PDS5A: variants seen among roughly 807,000 people sequenced by gnomAD.
PDS5A encodes sister chromatid cohesion protein PDS5 homolog A.
A neutral mutation model predicts 167.1 loss-of-function variants in PDS5A; 42 were observed. The observed-to-expected ratio is 0.25, with a 90% CI of 0.20 to 0.33. The LOEUF is 0.33. Among genes scored for constraint, PDS5A ranks in the 10% least tolerant of loss-of-function variants. PDS5A has a pLI of 1.00. For missense variants in PDS5A, 1,033 were observed against 1,605.9 expected, an observed-to-expected ratio of 0.64 and a Z score of 6.10; for synonymous variants, 553 against 554.6, an observed-to-expected ratio of 1.00 and a Z score of 0.04.
intron 18 of PDS5A, among the ~76,000 whole-genome samples, chr4:39,879,299 C>T (rs898669907): frequency 6.6e-6 from 1 of 152,094 alleles, no homozygotes; most frequent in Non-Finnish European, 1.5e-5. Flanking sequence ...ACCTTGTCTC[C>T]CATCATTCCC....
intron 26 of PDS5A, among the ~76,000 whole-genome samples, chr4:39,855,338 G>A (rs573153941): frequency 8.5e-5 from 13 of 152,272 alleles, no homozygotes; most frequent in African/African-American, 2.9e-4. Flanking sequence ...GGTGGACTGC[G>A]CCCTACAAGA....
intron 2 of PDS5A, among the ~76,000 whole-genome samples, chr4:39,943,594 G>C (rs1044165000): frequency 6.9e-6 from 1 of 144,572 alleles, no homozygotes; most frequent in Non-Finnish European, 1.5e-5. Context: ...GACCAGCCTG[G>C]CCAACATGGT....
chr4:39,930,708 C>T (rs1228470299), intron 2 of PDS5A, among the ~76,000 whole-genome samples: 1 of 151,920 alleles, frequency 6.6e-6, no homozygotes, highest in Non-Finnish European at 1.5e-5. Flanking sequence ...AGCAGTGATC[C>T]CTCTTTTTTT....
chr4:39,865,129 GTTT>G (rs552139603), intron 23 of PDS5A, among the ~76,000 whole-genome samples: 2 of 150,750 alleles, frequency 1.3e-5, no homozygotes, highest in Non-Finnish European at 3.0e-5. Flanking sequence ...TGCTTATAAC[GTTT>G]TTTTTTCTTT....
intron 2 of PDS5A, among the ~76,000 whole-genome samples, chr4:39,929,231 G>T (rs986470783): frequency 1.3e-5 from 2 of 152,118 alleles, no homozygotes; most frequent in African/African-American, 2.4e-5. Flanking sequence ...GCCTGTGTGT[G>T]TGTTGCCAAG....
chr4:39,909,426 TA>T (rs1413073417), intron 10 of PDS5A, among the ~76,000 whole-genome samples: 1 of 152,198 alleles, frequency 6.6e-6, no homozygotes, highest in Non-Finnish European at 1.5e-5. Flanking sequence ...TGCCCATAGT[TA>T]CATTTTAATA....
In PDS5A at chr4:39,926,759, G is replaced by GTTTTT; in HGVS notation, c.429+11_429+15dup. The GTTTTT allele has an allele frequency of 9.5e-7, 1 of 1,049,984 alleles. No individual in the cohort carries two copies. 65.0% of individuals were successfully genotyped at this position (1,049,984 alleles called of 1,614,324 possible). The stretch of plus-strand genomic sequence containing the variant: ...TGAAATAATGTTAATAGTTATTAAA[G>GTTTTT]TTTTTTTTTTTTTACCTCTAATAAA... On this transcript the variant is annotated intron_variant, in intron 4 of 32. Coordinates refer to ENST00000303538, the MANE Select transcript of PDS5A (RefSeq NM_001100399.2).
intron 2 of PDS5A, among the ~76,000 whole-genome samples, chr4:39,970,790 C>CTTTTT (rs35223238): frequency 1.5e-4 from 13 of 88,492 alleles, no homozygotes; most frequent in Non-Finnish European, 2.7e-4. Flanking sequence ...CCGCTTGTTC[C>CTTTTT]TTTTTTTTTT....
intron 2 of PDS5A, among the ~76,000 whole-genome samples, chr4:39,937,452 C>T (rs939172282): frequency 3.3e-5 from 5 of 152,070 alleles, no homozygotes; most frequent in African/African-American, 7.2e-5. Flanking sequence ...CTCACTTTGT[C>T]GCCCAGGCTG....
chr4:39,860,721 G>C (rs1718913275), intron 26 of PDS5A, among the ~76,000 whole-genome samples: 1 of 152,172 alleles, frequency 6.6e-6, no homozygotes, highest in South Asian at 2.1e-4. Flanking sequence ...TATGCTCAGT[G>C]AAATAAGCCA....
At chr4:39,930,861 A>G (rs1725993162) in intron 2 of PDS5A, among the ~76,000 whole-genome samples, 1 of 152,254 alleles carries the variant, frequency 6.6e-6, no homozygotes, top group African/African-American at 2.4e-5. Context: ...AATATGAACT[A>G]CCAAAACTCA....
chr4:39,831,022 T>A (rs996318290), intron 32 of PDS5A, among the ~76,000 whole-genome samples: 2 of 152,252 alleles, frequency 1.3e-5, no homozygotes, highest in African/African-American at 4.8e-5. Flanking sequence ...TAGCCCTTTA[T>A]ACCTGGGTTT....
intron 27 of PDS5A, 82 bp downstream of exon 27, chr4:39,849,438 C>CAAAAAA (rs33909953): frequency 4.4e-4 from 211 of 482,214 alleles, no homozygotes; most frequent in East Asian, 2.9e-3. Context: ...TACGTATGGC[C>CAAAAAA]AAAAAAAAAA....
At chr4:39,916,066 C>CAAAA (rs1265070784) in intron 8 of PDS5A, among the ~76,000 whole-genome samples, 1 of 151,994 alleles carries the variant, frequency 6.6e-6, no homozygotes, top group Admixed American at 6.6e-5. Context: ...GAACCCCTCT[C>CAAAA]AAACAAACAA....
At position 39,970,790 on chromosome 4, in the gene PDS5A, CT is replaced by C. The variant is rs35223238; in HGVS notation, c.138+5649del. Among the ~76,000 whole-genome samples, 226 of 88,490 alleles carry C rather than the reference CT, an allele frequency of 2.6e-3. 3 individuals carry two copies. Among genetic ancestry groups the C allele is most frequent in the African/African-American group, 6.2e-3 (145 of 23,518 alleles). 58.1% of individuals were successfully genotyped at this position (88,490 alleles called of 152,430 possible). On this transcript the variant is annotated intron_variant, in intron 2 of 32. Transcript: ENST00000303538. ...GGTTCCACTGTAAAACCGCTTGTTC[CT>C]TTTTTTTTTTTTTTTTTTTTTTTTA... is the stretch of plus-strand genomic sequence containing the variant.
chr4:39,857,020 A>G (rs191245320), intron 26 of PDS5A, among the ~76,000 whole-genome samples: 22 of 152,216 alleles, frequency 1.4e-4, no homozygotes, highest in Admixed American at 1.3e-3. Flanking sequence ...CTAGGTTGTT[A>G]GAAGTTTGAG....
chr4:39,859,172 T>A (rs1718776632), intron 26 of PDS5A, among the ~76,000 whole-genome samples: 1 of 152,182 alleles, frequency 6.6e-6, no homozygotes, highest in South Asian at 2.1e-4. Context: ...GGTAAAAAAC[T>A]GCAAATTTTG....
At chr4:39,906,923 A>G (rs1027236008) in intron 11 of PDS5A, among the ~76,000 whole-genome samples, 2 of 148,228 alleles carry the variant, frequency 1.3e-5, no homozygotes, top group African/African-American at 2.5e-5. Flanking sequence ...TACATAAAAA[A>G]AAAAAAAAAA....
chr4:39,912,284 A>G (rs1723961190), intron 9 of PDS5A, among the ~76,000 whole-genome samples: 1 of 152,186 alleles, frequency 6.6e-6, no homozygotes, highest in African/African-American at 2.4e-5. Context: ...TCAGAAACTT[A>G]TATTGGGTGA....
Sources: allele counts gnomAD v4.1 joint callset (sites outside exome capture counted in the v4.1 genomes callset), GRCh38; gene constraint gnomAD v4.1.1; transcripts MANE v1.5; gene names NCBI Gene and HGNC (gene_info 2026-07-23, HGNC 2026-07-21).